Variants in RPL31 observed in about 807,000 individuals in gnomAD.
RPL31 encodes the protein ribosomal protein L31.
For synonymous variants in RPL31, 51 were observed against 55.0 expected, an observed-to-expected ratio of 0.93 and a Z score of 0.32; for missense variants, 95 against 164.0, an observed-to-expected ratio of 0.58 and a Z score of 2.30.
chr2:101,014,831 G>C (rs538149729), intron 4 of RPL31, among the ~76,000 whole-genome samples: 100 of 152,324 alleles, frequency 6.6e-4, no homozygotes, highest in Admixed American at 1.2e-3. Context: ...GGTATAACTT[G>C]AGTGCCAAAC....
In RPL31 at chr2:101,006,441, G is replaced by A; in HGVS notation, c.*60G>A. ...TGCCTTCATGTTTTTGTTCTTTTTA[G>A]TTGCAACATAATGTACTTGTATACC... On this transcript the variant is annotated 3_prime_UTR_variant, in exon 5 of 5. Transcript: ENST00000264258. 4 of 1,511,056 alleles carry A rather than the reference G, an allele frequency of 2.6e-6. No individual in the cohort carries two copies. In the South Asian group the frequency reaches 4.8e-5, roughly 18 times the overall value. The allele number at this position is 1,511,056 out of a possible 1,614,324, so 93.6% of individuals were successfully genotyped here.
Position 101,004,256 on chromosome 2 carries a change from A to G in RPL31, c.206A>G (p.Asn69Ser). 6.2e-7 allele frequency: 1 copy of G among 1,614,196 alleles called. No individual in the cohort carries two copies. Among genetic ancestry groups the G allele is most frequent in the Non-Finnish European group, 8.5e-7 (1 of 1,180,028 alleles). The change falls in exon 3 of 5, where the codon AAC (asparagine) becomes AGC (serine). Residue 69 changes from asparagine to serine, a missense_variant. Transcript: ENST00000264258. ...GATGTGCGCATTGACACCAGGCTCA[A>G]CAAAGCTGTCTGGGCCAAAGGAATA... ...TPDVRIDTRL[N>S]KAVWAKGIRN...
exon 5 of RPL31, chr2:101,019,316 T>A (rs551012907): frequency 6.7e-6 from 2 of 300,576 alleles, no homozygotes; most frequent in Non-Finnish European, 1.2e-5. Flanking sequence ...CTTCCTGATC[T>A]GTGATTGAAA....
At chr2:101,011,422 G>C (rs1254672319), downstream of RPL31, 2 of 1,611,518 alleles carry the variant, frequency 1.2e-6, no homozygotes, top group East Asian at 4.5e-5. Context: ...GGTATGCAGG[G>C]GAAAGCAACA....
At chr2:101,008,069 C>A (rs779585738), downstream of RPL31, 3 of 1,613,996 alleles carry the variant, frequency 1.9e-6, no homozygotes, top group South Asian at 3.3e-5. Context: ...TCTGCAAAAA[C>A]CGAGTCCTCA....
rs143628717 is a variant in RPL31 at position 101,006,739 on chromosome 2, ACTAT to A, written c.*373_*376del. 28 of 218,678 alleles carry A rather than the reference ACTAT, an allele frequency of 1.3e-4. No individual in the cohort carries two copies. The highest frequency in any genetic ancestry group is 4.7e-4 in the South Asian group (4 of 8,470). 13.5% of individuals were successfully genotyped at this position (218,678 alleles called of 1,614,324 possible). A position where few individuals can be genotyped will look rare whatever the true frequency, so the allele number is the denominator to read the frequency against. ...TTAGGAAACAACTTTAAAATGATATACTATCTATCTATCTATCTGTAGCATCTTA... is the reference window on the plus strand; with the variant it reads ...TTAGGAAACAACTTTAAAATGATATACTATCTATCTATCTGTAGCATCTTA... On this transcript the variant is annotated 3_prime_UTR_variant, in exon 5 of 5. Coordinates refer to ENST00000264258, the MANE Select transcript of RPL31 (RefSeq NM_000993.5).
At position 101,006,445 on chromosome 2, in the gene RPL31, C is replaced by T; in HGVS notation, c.*64C>T. The stretch of plus-strand genomic sequence containing the variant: ...TTCATGTTTTTGTTCTTTTTAGTTG[C>T]AACATAATGTACTTGTATACCCTAT... On this transcript the variant is annotated 3_prime_UTR_variant, in exon 5 of 5. Coordinates refer to ENST00000264258, the MANE Select transcript of RPL31 (RefSeq NM_000993.5). 1.4e-6 allele frequency: 2 copies of T among 1,477,970 alleles called. No homozygotes were observed. The highest frequency in any genetic ancestry group is 2.4e-5 in the South Asian group (2 of 81,654). The allele number at this position is 1,477,970 out of a possible 1,614,324, so 91.6% of individuals were successfully genotyped here. A position where few individuals can be genotyped will look rare whatever the true frequency, so the allele number is the denominator to read the frequency against.
chr2:101,006,599 G>T lies in RPL31; in HGVS notation c.*218G>T, dbSNP rs1469926042. 2 of 458,884 alleles carry T rather than the reference G, an allele frequency of 4.4e-6. No individual in the cohort carries two copies. Among genetic ancestry groups the T allele is most frequent in the African/African-American group, 4.1e-5 (2 of 49,154 alleles). 28.4% of individuals were successfully genotyped at this position (458,884 alleles called of 1,614,324 possible). Reference sequence around the variant, plus strand: ...TTTAGAACCACTGTTCTGGGTAGTTGGGATACTGAAGGCATATTGTTAATT... The same window carrying T: ...TTTAGAACCACTGTTCTGGGTAGTTTGGATACTGAAGGCATATTGTTAATT... On this transcript the variant is annotated 3_prime_UTR_variant, in exon 5 of 5. Coordinates refer to ENST00000264258, the MANE Select transcript of RPL31 (RefSeq NM_000993.5).
rs1437427202 is a variant in RPL31, at chr2:101,007,030, C to T, written c.*649C>T. 6.6e-6 allele frequency: 1 copy of T among 152,228 alleles called. No individual in the cohort carries two copies. The highest frequency in any genetic ancestry group is 2.4e-5 in the African/African-American group (1 of 41,438). The allele number at this position is 152,228 out of a possible 1,614,324, so 9.4% of individuals were successfully genotyped here. ...TGAGATTATGTTTCACCAGCATTTACAAGCTGTATGTTAAATGCTGCCATA... is the reference window on the plus strand; with the variant it reads ...TGAGATTATGTTTCACCAGCATTTATAAGCTGTATGTTAAATGCTGCCATA... On this transcript the variant is annotated 3_prime_UTR_variant, in exon 5 of 5. Transcript: ENST00000264258.
downstream of RPL31, chr2:101,011,261 A>G (rs1009871225): frequency 6.3e-5 from 44 of 702,596 alleles, no homozygotes; most frequent in Middle Eastern, 4.0e-4. Flanking sequence ...TGGTGGGGGC[A>G]AGGGGCAGCC....
At chr2:101,011,766 A>G (rs1573854837), downstream of RPL31, among the ~76,000 whole-genome samples, 1 of 152,234 alleles carries the variant, frequency 6.6e-6, no homozygotes, top group East Asian at 1.9e-4. Context: ...AGGTATGTGG[A>G]GACTGTTGTA....
downstream of RPL31, chr2:101,011,142 A>T: frequency 1.0e-6 from 1 of 1,003,484 alleles, no homozygotes; most frequent in South Asian, 1.5e-5. Flanking sequence ...AGCAAATTCC[A>T]TACAAAACTG....
rs1338918163 is a variant in RPL31, at chr2:101,017,876, C to A, written c.347-1122C>A. 2.6e-6 allele frequency: 4 copies of A among 1,550,848 alleles called. No individual in the cohort carries two copies. In the South Asian group the frequency reaches 4.8e-5, roughly 18 times the overall value. On this transcript the variant is annotated intron_variant, in intron 4 of 4. Coordinates refer to the RPL31 transcript ENST00000409028. ...CCAATTAGGTCTTCAAAACGATGAT[C>A]TCTTCAAAACAGATTGTCACCATCA...
At chr2:101,013,942 G>A (rs1056269216) in intron 4 of RPL31, among the ~76,000 whole-genome samples, 3 of 152,186 alleles carry the variant, frequency 2.0e-5, no homozygotes, top group East Asian at 1.9e-4. Context: ...TTATAGCAGC[G>A]AGGCCCTGCG....
At chr2:101,012,860 A>C (rs947472170) in intron 4 of RPL31, among the ~76,000 whole-genome samples, 16 of 152,244 alleles carry the variant, frequency 1.1e-4, no homozygotes, top group Admixed American at 2.6e-4. Context: ...AGCTTTGGAA[A>C]GCTACCCTTA....
At chr2:101,013,201 C>T (rs977920179) in intron 4 of RPL31, among the ~76,000 whole-genome samples, 1 of 152,192 alleles carries the variant, frequency 6.6e-6, no homozygotes, top group Non-Finnish European at 1.5e-5. Flanking sequence ...AGCCTCCCAA[C>T]CTCTGCCGTC....
chr2:101,006,078 TCTC>T lies in RPL31; in HGVS notation c.346+9_346+11del. The T allele has an allele frequency of 6.2e-7, 1 of 1,612,280 alleles. No individual in the cohort carries two copies. The highest frequency in any genetic ancestry group is 1.7e-5 in the Admixed American group (1 of 59,618). On this transcript the variant is annotated splice_region_variant and intron_variant, in intron 4 of 4. Transcript: ENST00000264258. ...CCTGTTACCACTTTCAAAAGTAAGT[TCTC>T]CATCCCATAAAGCCATTTAAATTCA...
At chr2:101,015,736 T>C (rs975937203) in intron 4 of RPL31, among the ~76,000 whole-genome samples, 1 of 152,144 alleles carries the variant, frequency 6.6e-6, no homozygotes, top group Non-Finnish European at 1.5e-5. Flanking sequence ...TATAGATCAA[T>C]GGAACAGAAC....
downstream of RPL31, chr2:101,007,904 T>A: frequency 6.2e-7 from 1 of 1,614,060 alleles, no homozygotes; most frequent in Non-Finnish European, 8.5e-7. Flanking sequence ...ATCTTGGCAT[T>A]TTCAAGTTTG....
Sources: allele counts gnomAD v4.1 joint callset (sites outside exome capture counted in the v4.1 genomes callset), GRCh38; gene constraint gnomAD v4.1.1; transcripts MANE v1.5; gene names NCBI Gene and HGNC (gene_info 2026-07-23, HGNC 2026-07-21).